Variants in COPS7B observed in about 807,000 individuals in gnomAD.
COPS7B encodes COP9 signalosome subunit 7B.
A neutral mutation model predicts 33.4 loss-of-function variants in COPS7B; 9 were observed. The ratio of observed to expected loss-of-function variants is 0.27; its 90% CI spans 0.16 to 0.47. The LOEUF is 0.47. Among genes scored for constraint, COPS7B ranks in the 20% least tolerant of loss-of-function variants. The pLI is 0.99. For missense variants in COPS7B, 242 were observed against 318.2 expected (o/e 0.76, Z 1.82); for synonymous variants, 119 against 126.3 (o/e 0.94, Z 0.39).
At chr2:231,787,714 G>A (rs1171591252) in intron 1 of COPS7B, among the ~76,000 whole-genome samples, 2 of 152,124 alleles carry the variant, frequency 1.3e-5, no homozygotes, top group Non-Finnish European at 2.9e-5. Context: ...CTTTCAAAAT[G>A]ATGTCTCCCT....
chr2:231,781,903 A>G (rs2049139765), upstream of COPS7B: 6 of 1,548,584 alleles, frequency 3.9e-6, no homozygotes, highest in Non-Finnish European at 3.5e-6. Flanking sequence ...CAAACAACAA[A>G]CAAAAACACT....
upstream of COPS7B, among the ~76,000 whole-genome samples, chr2:231,784,049 A>G (rs887254040): frequency 2.7e-5 from 4 of 149,392 alleles, no homozygotes; most frequent in African/African-American, 7.4e-5. Context: ...TCCAAAAAAG[A>G]GCAAGCTTGA....
At chr2:231,801,324 C>T in intron 6 of COPS7B, 1 of 1,498,906 alleles carries the variant, frequency 6.7e-7, no homozygotes, top group Non-Finnish European at 8.9e-7. Context: ...GTTCCTAGTT[C>T]CAGCATACCT....
chr2:231,787,644 A>AT lies in COPS7B; in HGVS notation c.-16-906dup, dbSNP rs1378841160. On this transcript the variant is annotated intron_variant, in intron 1 of 6. Transcript: ENST00000350033. ...TATCAGGAGGAGGCCGAATACAGGGATTTTTCCCCATGGTCTTACACAGCA... is the reference window on the plus strand; with the variant it reads ...TATCAGGAGGAGGCCGAATACAGGGATTTTTTCCCCATGGTCTTACACAGCA... Among the ~76,000 whole-genome samples, 5 of 151,570 alleles carry AT rather than the reference A, an allele frequency of 3.3e-5. No homozygotes were observed. The South Asian group carries it at 1.0e-3, about 32-fold the overall frequency.
intron 6 of COPS7B, among the ~76,000 whole-genome samples, chr2:231,803,635 C>T (rs1340967756): frequency 6.6e-6 from 1 of 152,128 alleles, no homozygotes; most frequent in Non-Finnish European, 1.5e-5. Context: ...TTGACAGGAT[C>T]TTGAATCTCA....
At chr2:231,788,879 T>A in intron 2 of COPS7B, 147 bp downstream of exon 2, 1 of 640,974 alleles carries the variant, frequency 1.6e-6, no homozygotes, top group Non-Finnish European at 2.6e-6. Flanking sequence ...AGGGAGAGAT[T>A]GAGAGAATAT....
At chr2:231,794,412 T>C in intron 4 of COPS7B, 61 bp downstream of exon 4, 1 of 1,358,884 alleles carries the variant, frequency 7.4e-7, no homozygotes, top group Non-Finnish European at 1.0e-6. Flanking sequence ...CTCATTGACA[T>C]CAATGAAGGA....
intron 4 of COPS7B, among the ~76,000 whole-genome samples, chr2:231,794,682 A>C (rs11679368): frequency 0.016 from 2,492 of 152,298 alleles, 35 homozygotes; most frequent in Non-Finnish European, 0.018. Context: ...TTAACAGCTT[A>C]ATCTGTTGCT....
chr2:231,797,292 A>C (rs1251876460), intron 5 of COPS7B, among the ~76,000 whole-genome samples: 1 of 152,192 alleles, frequency 6.6e-6, no homozygotes, highest in African/African-American at 2.4e-5. Flanking sequence ...TTTACACCCC[A>C]GGACATGTGT....
Position 231,808,654 on chromosome 2 carries a change from C to T in COPS7B, c.*1009C>T, listed in dbSNP as rs1040047978. On this transcript the variant is annotated 3_prime_UTR_variant, in exon 7 of 7. Coordinates refer to ENST00000350033, the MANE Select transcript of COPS7B (RefSeq NM_022730.4). ...CTAGACTTCTGAACTTGAACAGTTTCAGGTTATATTTTAATTTTTTTTTTT... is the reference window on the plus strand; with the variant it reads ...CTAGACTTCTGAACTTGAACAGTTTTAGGTTATATTTTAATTTTTTTTTTT... The T allele has an allele frequency of 8.3e-6, 3 of 361,032 alleles. No homozygotes were observed. Among genetic ancestry groups the T allele is most frequent in the African/African-American group, 2.2e-5 (1 of 44,688 alleles). 22.4% of individuals were successfully genotyped at this position (361,032 alleles called of 1,614,324 possible).
Position 231,807,544 on chromosome 2 carries a change from G to A in COPS7B, c.694G>A (p.Glu232Lys). The change falls in exon 7 of 7, where the codon GAG (glutamate) becomes AAG (lysine). Residue 232 changes from glutamate (E) to lysine (K), a missense_variant. Transcript: ENST00000350033. Reference protein sequence around the residue: ...ATASSSAQEMEQQLAERECPP... With the variant: ...ATASSSAQEMKQQLAERECPP... ...CGCATCCTCCTCGGCTCAGGAGATG[G>A]AGCAGCAGCTGGCTGAACGGGAGTG... 1.2e-6 allele frequency: 2 copies of A among 1,613,470 alleles called. No homozygotes were observed. The highest frequency in any genetic ancestry group is 2.2e-5 in the South Asian group (2 of 90,822).
At chr2:231,795,979 A>G (rs1466789258) in intron 4 of COPS7B, 127 bp from the exon 5 acceptor site, 2 of 688,382 alleles carry the variant, frequency 2.9e-6, no homozygotes, top group Admixed American at 2.6e-5. Context: ...TGCCCTAGCT[A>G]TTAATAATTA....
intron 4 of COPS7B, 58 bp from the exon 5 acceptor site, chr2:231,796,048 C>G: frequency 6.8e-7 from 1 of 1,480,142 alleles, no homozygotes; most frequent in East Asian, 2.3e-5. Flanking sequence ...GTAATACCTG[C>G]ATTTTCGCTA....
Position 231,786,450 on chromosome 2 carries a change from C to T in COPS7B, c.-105C>T. On this transcript the variant is annotated 5_prime_UTR_variant, in exon 1 of 7. Coordinates refer to ENST00000350033, the MANE Select transcript of COPS7B (RefSeq NM_022730.4). ...GGCGGAGACAGAAAAGCGCCGGACG[C>T]CGGGGTGATCATGGACGCTTGACAA... The T allele has an allele frequency of 1.0e-6, 1 of 985,984 alleles. No homozygotes were observed. The highest frequency in any genetic ancestry group is 1.2e-6 in the Non-Finnish European group (1 of 830,056). The allele number at this position is 985,984 out of a possible 1,614,324, so 61.1% of individuals were successfully genotyped here.
chr2:231,808,199 C>T lies in COPS7B; in HGVS notation c.*554C>T. 3.1e-6 allele frequency: 1 copy of T among 319,218 alleles called. No individual in the cohort carries two copies. The highest frequency in any genetic ancestry group is 6.3e-6 in the Non-Finnish European group (1 of 159,808). 19.8% of individuals were successfully genotyped at this position (319,218 alleles called of 1,614,324 possible). ...GTTCAGGCCGTGGAGGGACGTGATG[C>T]TGGGCTGTGTTTACTAAACCCACGG... On this transcript the variant is annotated 3_prime_UTR_variant, in exon 7 of 7. Transcript: ENST00000350033.
upstream of COPS7B, among the ~76,000 whole-genome samples, chr2:231,782,820 T>TA (rs1215569636): frequency 9.8e-5 from 15 of 152,316 alleles, no homozygotes; most frequent in Non-Finnish European, 1.5e-4. Context: ...TTTTCCATGT[T>TA]AAAAAAGTTT....
intron 6 of COPS7B, among the ~76,000 whole-genome samples, chr2:231,804,372 C>T (rs554093164): frequency 4.3e-4 from 65 of 151,986 alleles, no homozygotes; most frequent in African/African-American, 1.3e-3. Context: ...CTCAGCGTCC[C>T]GAGTAGCTGG....
At position 231,807,701 on chromosome 2, in the gene COPS7B, C is replaced by G; in HGVS notation, c.*56C>G. 6.8e-7 allele frequency: 1 copy of G among 1,472,106 alleles called. No individual in the cohort carries two copies. Among genetic ancestry groups the G allele is most frequent in the East Asian group, 2.5e-5 (1 of 39,976 alleles). The allele number at this position is 1,472,106 out of a possible 1,614,324, so 91.2% of individuals were successfully genotyped here. ...CCTGGGTCAGGTGGGGAGGGGACAC[C>G]AAGGGCCCATTTCCTCCCCTCTCTA... On this transcript the variant is annotated 3_prime_UTR_variant, in exon 7 of 7. Transcript: ENST00000350033.
intron 6 of COPS7B, among the ~76,000 whole-genome samples, chr2:231,801,590 C>T (rs963247180): frequency 1.3e-5 from 2 of 151,580 alleles, no homozygotes; most frequent in Admixed American, 6.6e-5. Context: ...TATAGGACTA[C>T]AGGTGTATGC....
Sources: gnomAD v4.1 joint callset for allele counts (sites outside exome capture counted in the v4.1 genomes callset) on GRCh38, gnomAD v4.1.1 for gene constraint, MANE v1.5 for transcripts, NCBI Gene and HGNC (gene_info 2026-07-23, HGNC 2026-07-21) for gene names.